Variants in HORMAD2 observed in about 807,000 individuals in gnomAD.
HORMAD2 encodes HORMA domain-containing protein 2.
In HORMAD2, 45 loss-of-function variants were observed where a neutral mutation model predicts 38.8. The observed-to-expected ratio is 1.16, with a 90% CI of 0.91 to 1.49. HORMAD2 has a LOEUF of 1.49. HORMAD2 is among the 40% of genes most tolerant of loss of function. HORMAD2 has a pLI of 0.00. For synonymous variants in HORMAD2, 126 were observed against 122.8 expected, an observed-to-expected ratio of 1.03 and a Z score of -0.17; for missense variants, 338 against 367.0, an observed-to-expected ratio of 0.92 and a Z score of 0.65.
chr22:30,162,697 A>C (rs1010318342), intron 10 of HORMAD2, among the ~76,000 whole-genome samples: 3 of 145,762 alleles, frequency 2.1e-5, no homozygotes, highest in Middle Eastern at 3.5e-3. Flanking sequence ...TGATTTGTGG[A>C]CATCTTTTTT....
At chr22:30,187,535 A>G in the HORMAD2 span, among the ~76,000 whole-genome samples, 8 of 135,450 alleles carry the variant, frequency 5.9e-5, no homozygotes, top group East Asian at 8.7e-4. Context: ...GTGTGTGTGT[A>G]TTTTTTTCCG....
At chr22:30,134,899 T>C (rs1003015496) in intron 10 of HORMAD2, among the ~76,000 whole-genome samples, 9 of 152,146 alleles carry the variant, frequency 5.9e-5, no homozygotes, top group Non-Finnish European at 1.0e-4. Flanking sequence ...ATAATAATAA[T>C]AGCCACCATT....
chr22:30,107,256 C>A (rs1339073341), intron 5 of HORMAD2, among the ~76,000 whole-genome samples: 1 of 152,056 alleles, frequency 6.6e-6, no homozygotes, highest in Non-Finnish European at 1.5e-5. Flanking sequence ...GAGTATCTAG[C>A]TAGTTTGATA....
chr22:30,163,691 A>T (rs6006383), intron 10 of HORMAD2, among the ~76,000 whole-genome samples: 45 of 152,182 alleles, frequency 3.0e-4, no homozygotes, highest in African/African-American at 1.0e-3. Flanking sequence ...GCCTCCCAAA[A>T]TTCTGGGATT....
At chr22:30,132,450 C>T (rs1237657884) in intron 10 of HORMAD2, among the ~76,000 whole-genome samples, 2 of 151,404 alleles carry the variant, frequency 1.3e-5, no homozygotes, top group South Asian at 2.1e-4. Context: ...GCACGAGAAT[C>T]GTTTGAACCT....
At chr22:30,155,076 T>C (rs200891722) in intron 10 of HORMAD2, among the ~76,000 whole-genome samples, 1 of 138,036 alleles carries the variant, frequency 7.2e-6, no homozygotes, top group Non-Finnish European at 1.6e-5. Context: ...TTGCTTTTTT[T>C]AAAAAAAAAA....
At chr22:30,154,787 G>C (rs1300293973) in intron 10 of HORMAD2, among the ~76,000 whole-genome samples, 1 of 152,132 alleles carries the variant, frequency 6.6e-6, no homozygotes, top group African/African-American at 2.4e-5. Context: ...ATAACATAGG[G>C]CTGGGCATGG....
the HORMAD2 span, among the ~76,000 whole-genome samples, chr22:30,204,907 G>A: frequency 6.6e-6 from 1 of 152,202 alleles, no homozygotes; most frequent in African/African-American, 2.4e-5. Flanking sequence ...CACGAGCTCT[G>A]AGAGCCGCCT....
chr22:30,104,589 T>C (rs1375235950), intron 5 of HORMAD2, 152 bp downstream of exon 5: 2 of 576,452 alleles, frequency 3.5e-6, no homozygotes, highest in Non-Finnish European at 5.9e-6. Flanking sequence ...GTCTTTATTG[T>C]CCTGTTGTTG....
chr22:30,202,879 CA>C, the HORMAD2 span, among the ~76,000 whole-genome samples: 7 of 152,172 alleles, frequency 4.6e-5, no homozygotes, highest in Non-Finnish European at 8.8e-5. Context: ...TGAGCCAAAA[CA>C]AAGCCGATGC....
chr22:30,157,627 G>T (rs9625932), intron 10 of HORMAD2, among the ~76,000 whole-genome samples: 50 of 152,238 alleles, frequency 3.3e-4, no homozygotes, highest in Non-Finnish European at 5.7e-4. Flanking sequence ...AGTTTTCAGT[G>T]TCTCTAGCTT....
chr22:30,190,890 G>A, the HORMAD2 span, among the ~76,000 whole-genome samples: 3 of 152,214 alleles, frequency 2.0e-5, no homozygotes, highest in Admixed American at 6.5e-5. Flanking sequence ...ACAAGAAAGA[G>A]CAAAGCTAAT....
chr22:30,116,185 A>G (rs1479059699), intron 7 of HORMAD2, among the ~76,000 whole-genome samples: 2 of 152,162 alleles, frequency 1.3e-5, no homozygotes, highest in East Asian at 3.9e-4. Context: ...TGAGCATAGA[A>G]AAGGTGCCAT....
intron 10 of HORMAD2, among the ~76,000 whole-genome samples, chr22:30,144,810 TCCATC>T (rs1005775959): frequency 6.6e-6 from 1 of 151,826 alleles, no homozygotes; most frequent in Admixed American, 6.6e-5. Context: ...ACACAAAACT[TCCATC>T]TCACCATGAG....
chr22:30,093,889 T>C, intron 1 of HORMAD2, 27 bp from the exon 2 acceptor site: 3 of 1,153,716 alleles, frequency 2.6e-6, no homozygotes, highest in Non-Finnish European at 2.5e-6. Context: ...TGGCAAGGTC[T>C]CTAATTAATT....
chr22:30,083,130 G>A (rs2068514126), intron 1 of HORMAD2, among the ~76,000 whole-genome samples: 1 of 152,094 alleles, frequency 6.6e-6, no homozygotes, highest in Admixed American at 6.6e-5. Flanking sequence ...GCTGAGTGTG[G>A]TGGCACATGG....
At chr22:30,197,702 A>G in the HORMAD2 span, among the ~76,000 whole-genome samples, 1 of 152,222 alleles carries the variant, frequency 6.6e-6, no homozygotes, top group African/African-American at 2.4e-5. Flanking sequence ...AAGATGAGGA[A>G]GCCCTAGTTT....
intron 10 of HORMAD2, among the ~76,000 whole-genome samples, chr22:30,132,096 C>T (rs1923324154): frequency 6.6e-6 from 1 of 152,198 alleles, no homozygotes; most frequent in Non-Finnish European, 1.5e-5. Flanking sequence ...CCACTAAACT[C>T]TGAACTGAAG....
the HORMAD2 span, among the ~76,000 whole-genome samples, chr22:30,183,044 A>C: frequency 6.6e-6 from 1 of 152,138 alleles, no homozygotes; most frequent in Admixed American, 6.5e-5. Context: ...ACGCACATTT[A>C]TTTCTTTCCC....
Sources: allele counts gnomAD v4.1 joint callset (sites outside exome capture counted in the v4.1 genomes callset), GRCh38; gene constraint gnomAD v4.1.1; transcripts MANE v1.5; gene names NCBI Gene and HGNC (gene_info 2026-07-23, HGNC 2026-07-21).